Variants in EPB41L4A observed in about 807,000 individuals in gnomAD.
EPB41L4A encodes band 4.1-like protein 4A.
A neutral mutation model predicts 108.6 loss-of-function variants in EPB41L4A; 100 were observed. The observed-to-expected ratio is 0.92, with a 90% CI of 0.78 to 1.09. EPB41L4A has a LOEUF of 1.09. Among genes scored for constraint, EPB41L4A ranks in the 50% least tolerant of loss-of-function variants. The pLI is 0.00. For missense variants in EPB41L4A, 1,030 were observed against 842.7 expected, an observed-to-expected ratio of 1.22 and a Z score of -2.75; for synonymous variants, 319 against 289.0, an observed-to-expected ratio of 1.10 and a Z score of -1.05.
chr5:112,275,611 A>G (rs1752578022), intron 3 of EPB41L4A, among the ~76,000 whole-genome samples: 1 of 152,182 alleles, frequency 6.6e-6, no homozygotes, highest in African/African-American at 2.4e-5. Flanking sequence ...CAAATACACC[A>G]GAATGTTGCT....
intron 6 of EPB41L4A, chr5:112,263,684 T>G (rs1339890924): frequency 1.3e-5 from 2 of 152,240 alleles, no homozygotes; most frequent in Non-Finnish European, 2.9e-5. Flanking sequence ...AGCCTTCTAG[T>G]GCATGCTAAT....
intron 12 of EPB41L4A, among the ~76,000 whole-genome samples, chr5:112,218,903 G>T (rs774797249): frequency 2.6e-5 from 4 of 152,030 alleles, no homozygotes; most frequent in Non-Finnish European, 4.4e-5. Flanking sequence ...AGTACCAAAG[G>T]ATATAATTTG....
chr5:112,347,203 C>T (rs1353531551), intron 1 of EPB41L4A, among the ~76,000 whole-genome samples: 2 of 152,196 alleles, frequency 1.3e-5, no homozygotes, highest in South Asian at 2.1e-4. Flanking sequence ...CACACACATG[C>T]ATTTTCAGAA....
intron 18 of EPB41L4A, among the ~76,000 whole-genome samples, chr5:112,181,614 G>T (rs1485774142): frequency 1.3e-5 from 2 of 152,136 alleles, no homozygotes; most frequent in Non-Finnish European, 2.9e-5. Flanking sequence ...ATCAAGAAGA[G>T]AATGAATAAA....
At chr5:112,213,290 G>A (rs1480521394) in intron 12 of EPB41L4A, among the ~76,000 whole-genome samples, 3 of 151,788 alleles carry the variant, frequency 2.0e-5, no homozygotes, top group South Asian at 2.1e-4. Context: ...CTTAATTCAT[G>A]GTTCCTTTAT....
intron 12 of EPB41L4A, chr5:112,228,244 T>C (rs1183808553): frequency 6.6e-6 from 1 of 152,232 alleles, no homozygotes; most frequent in Non-Finnish European, 1.5e-5. Context: ...TTTCAAATTC[T>C]AGGAAGTTCA....
downstream of EPB41L4A, chr5:112,161,778 A>G (rs1759922271): frequency 2.6e-6 from 1 of 379,030 alleles, no homozygotes. Context: ...ACCTGAAGGT[A>G]GGGTGATATG....
At chr5:112,209,071 C>T (rs1762603828) in intron 13 of EPB41L4A, among the ~76,000 whole-genome samples, 1 of 152,192 alleles carries the variant, frequency 6.6e-6, no homozygotes, top group Non-Finnish European at 1.5e-5. Flanking sequence ...ATGAACTATA[C>T]TCCTCAAAGT....
In EPB41L4A at chr5:112,162,917, T is replaced by C. The variant is rs1760000521; in HGVS notation, c.*2073A>G. ...AGTCCACTTACTTTTGAGACAGTTTTGGCTGCTTTCCCTCTTCAGTGCCCT... is the reference window on the plus strand; with the variant it reads ...AGTCCACTTACTTTTGAGACAGTTTCGGCTGCTTTCCCTCTTCAGTGCCCT... On this transcript the variant is annotated 3_prime_UTR_variant, in exon 23 of 23. Transcript: ENST00000261486. 1 of 152,252 alleles carries C rather than the reference T, an allele frequency of 6.6e-6. No individual in the cohort carries two copies. Among genetic ancestry groups the C allele is most frequent in the Admixed American group, 6.5e-5 (1 of 15,294 alleles). The allele number at this position is 152,252 out of a possible 1,614,324, so 9.4% of individuals were successfully genotyped here. A position where few individuals can be genotyped will look rare whatever the true frequency, so the allele number is the denominator to read the frequency against.
At chr5:112,384,457 C>CTAT (rs1316307888) in intron 1 of EPB41L4A, among the ~76,000 whole-genome samples, 2 of 151,986 alleles carry the variant, frequency 1.3e-5, no homozygotes, top group Non-Finnish European at 2.9e-5. Context: ...GCTAACTTCA[C>CTAT]TATTTTTTTT....
intron 1 of EPB41L4A, among the ~76,000 whole-genome samples, chr5:112,408,031 T>G (rs1762172272): frequency 6.6e-6 from 1 of 152,206 alleles, no homozygotes; most frequent in Non-Finnish European, 1.5e-5. Flanking sequence ...AAGGAACTAG[T>G]AAAAATAAAC....
chr5:112,373,339 C>G (rs1759614941), intron 1 of EPB41L4A, among the ~76,000 whole-genome samples: 1 of 152,196 alleles, frequency 6.6e-6, no homozygotes, highest in Non-Finnish European at 1.5e-5. Flanking sequence ...CTTCTTTTCT[C>G]CTCAGACTCC....
chr5:112,342,936 G>C (rs1179883782), intron 1 of EPB41L4A, among the ~76,000 whole-genome samples: 5 of 152,172 alleles, frequency 3.3e-5, no homozygotes, highest in African/African-American at 1.2e-4. Context: ...ACTTTGGATA[G>C]AACGGTTTCT....
intron 13 of EPB41L4A, chr5:112,206,879 T>C (rs918931912): frequency 6.6e-6 from 1 of 152,218 alleles, no homozygotes; most frequent in Non-Finnish European, 1.5e-5. Flanking sequence ...CAAAGCAATA[T>C]ACAGATGCAA....
chr5:112,419,063 A>G lies in EPB41L4A; in HGVS notation c.-24T>C. The G allele has an allele frequency of 2.5e-6, 4 of 1,588,098 alleles. No individual in the cohort carries two copies. The highest frequency in any genetic ancestry group is 3.5e-6 in the Non-Finnish European group (4 of 1,157,754). On this transcript the variant is annotated 5_prime_UTR_variant, in exon 1 of 23. Transcript: ENST00000261486. ...ATGTCGGTTGTGGTCGTCTCCAGCCAGGAGAGAAAGCTACCACCGAGGCGC... is the reference window on the plus strand; with the variant it reads ...ATGTCGGTTGTGGTCGTCTCCAGCCGGGAGAGAAAGCTACCACCGAGGCGC...
chr5:112,205,283 C>T (rs897744901), intron 14 of EPB41L4A, 138 bp downstream of exon 14: 2 of 773,874 alleles, frequency 2.6e-6, no homozygotes. Context: ...CCCTGGGTCA[C>T]ATTGATTTAG....
At chr5:112,306,831 AAC>A (rs1164707285) in intron 2 of EPB41L4A, among the ~76,000 whole-genome samples, 2 of 106,272 alleles carry the variant, frequency 1.9e-5, no homozygotes, top group Non-Finnish European at 4.0e-5. Context: ...CCTCTGAATT[AAC>A]CTTTGTGAAC....
At chr5:112,264,856 T>C in intron 6 of EPB41L4A, 40 bp downstream of exon 6, 3 of 1,591,122 alleles carry the variant, frequency 1.9e-6, no homozygotes, top group Non-Finnish European at 1.7e-6. Flanking sequence ...AGATGATGAC[T>C]GATGGATGAT....
chr5:112,226,407 C>G (rs1748456070), intron 12 of EPB41L4A, among the ~76,000 whole-genome samples: 2 of 152,212 alleles, frequency 1.3e-5, no homozygotes, highest in African/African-American at 4.8e-5. Flanking sequence ...GGAGCCCTTT[C>G]AGCTTTGCCT....
Sources: allele counts gnomAD v4.1 joint callset (sites outside exome capture counted in the v4.1 genomes callset), GRCh38; gene constraint gnomAD v4.1.1; transcripts MANE v1.5; gene names NCBI Gene and HGNC (gene_info 2026-07-23, HGNC 2026-07-21).